The following SHISA9 variants were observed in gnomAD, a reference collection of about 807,000 sequenced individuals.
The protein encoded by SHISA9 is protein shisa-9.
A neutral mutation model predicts 38.0 loss-of-function variants in SHISA9; 13 were observed. The observed-to-expected ratio is 0.34, with a 90% CI of 0.22 to 0.54. The LOEUF is 0.54. Ranked by LOEUF, SHISA9 falls within the 20% of genes least tolerant of loss-of-function variation. The probability of loss-of-function intolerance (pLI) is 0.91; values close to 1 mark genes in which losing one functional copy is unlikely to be tolerated. For synonymous variants in SHISA9, 275 were observed against 242.0 expected (o/e 1.14, Z -1.27); for missense variants, 538 against 575.8 (o/e 0.93, Z 0.67).
the SHISA9 span, among the ~76,000 whole-genome samples, chr16:13,384,010 G>A: frequency 2.6e-5 from 4 of 152,100 alleles, no homozygotes; most frequent in Admixed American, 2.6e-4. Context: ...TTTACAGGGT[G>A]CAGGTGTTTG....
chr16:13,506,051 A>G, the SHISA9 span, among the ~76,000 whole-genome samples: 1 of 152,240 alleles, frequency 6.6e-6, no homozygotes, highest in African/African-American at 2.4e-5. Flanking sequence ...GGTAAGAAGA[A>G]TAGAGGAGAT....
chr16:13,549,634 C>T, the SHISA9 span, among the ~76,000 whole-genome samples: 2 of 152,004 alleles, frequency 1.3e-5, no homozygotes, highest in Non-Finnish European at 2.9e-5. Flanking sequence ...TAAAATTAAC[C>T]ATTATAGGTT....
intron 2 of SHISA9, among the ~76,000 whole-genome samples, chr16:13,145,044 C>T (rs946054593): frequency 2.0e-5 from 3 of 152,268 alleles, no homozygotes; most frequent in Non-Finnish European, 4.4e-5. Context: ...AATGTTTCTT[C>T]GACCCTATTG....
the SHISA9 span, among the ~76,000 whole-genome samples, chr16:13,282,531 C>G: frequency 1.3e-5 from 2 of 151,946 alleles, no homozygotes; most frequent in African/African-American, 2.4e-5. Context: ...ATATTTATCA[C>G]ACTTTTGTGA....
Position 12,901,755 on chromosome 16 carries a change from C to A in SHISA9, c.-310C>A. On this transcript the variant is annotated 5_prime_UTR_variant, in exon 1 of 5. Coordinates refer to ENST00000558583, the MANE Select transcript of SHISA9 (RefSeq NM_001145204.3). ...CTCTGCTCTCCACCCCCGCCTCACC[C>A]AGTGGCCGGCCGGACCTGCACCCCG... The A allele has an allele frequency of 6.7e-6, 1 of 149,200 alleles. No homozygotes were observed. Among genetic ancestry groups the A allele is most frequent in the Non-Finnish European group, 1.5e-5 (1 of 66,884 alleles). 9.2% of individuals were successfully genotyped at this position (149,200 alleles called of 1,614,324 possible).
chr16:13,086,012 A>G (rs948766007), intron 2 of SHISA9, among the ~76,000 whole-genome samples: 1 of 152,206 alleles, frequency 6.6e-6, no homozygotes, highest in African/African-American at 2.4e-5. Context: ...TTGTTTAAAG[A>G]AAAAAACAGG....
chr16:13,417,989 C>T, the SHISA9 span, among the ~76,000 whole-genome samples: 7 of 152,342 alleles, frequency 4.6e-5, no homozygotes, highest in Admixed American at 3.3e-4. Flanking sequence ...TGGTTGAAAC[C>T]ATGAGCCTAT....
the SHISA9 span, among the ~76,000 whole-genome samples, chr16:13,427,786 C>G: frequency 6.6e-6 from 1 of 152,152 alleles, no homozygotes; most frequent in Non-Finnish European, 1.5e-5. Context: ...GAGAGGCAAA[C>G]AGGGTATTAT....
intron 2 of SHISA9, among the ~76,000 whole-genome samples, chr16:13,006,873 C>T (rs1287003093): frequency 6.6e-6 from 1 of 152,136 alleles, no homozygotes; most frequent in African/African-American, 2.4e-5. Flanking sequence ...ACTTTCTGTG[C>T]TGTTTCTCTT....
At chr16:13,456,414 G>A in the SHISA9 span, among the ~76,000 whole-genome samples, 2 of 152,070 alleles carry the variant, frequency 1.3e-5, no homozygotes, top group African/African-American at 2.4e-5. Context: ...TTTTCCTTAC[G>A]ATACCTAGTA....
the SHISA9 span, among the ~76,000 whole-genome samples, chr16:13,413,611 G>A: frequency 6.6e-6 from 1 of 151,764 alleles, no homozygotes; most frequent in African/African-American, 2.4e-5. Flanking sequence ...CAAAAATTAG[G>A]CGGGCGTGGT....
At chr16:12,979,878 TCTTC>T (rs1302582854) in intron 2 of SHISA9, among the ~76,000 whole-genome samples, 2 of 152,228 alleles carry the variant, frequency 1.3e-5, no homozygotes. Context: ...CCCTTTTTTC[TCTTC>T]CTTCTTTACT....
intron 2 of SHISA9, among the ~76,000 whole-genome samples, chr16:13,032,680 CTTCT>C (rs912508005): frequency 2.0e-5 from 3 of 151,226 alleles, no homozygotes; most frequent in Admixed American, 6.6e-5. Flanking sequence ...TTCTCATCTA[CTTCT>C]TTCTATTACA....
At chr16:13,451,684 C>T in the SHISA9 span, among the ~76,000 whole-genome samples, 1 of 152,160 alleles carries the variant, frequency 6.6e-6, no homozygotes, top group Non-Finnish European at 1.5e-5. Context: ...TGGGAAAATG[C>T]TTTGCACATT....
At chr16:13,025,050 T>C (rs1037150863) in intron 2 of SHISA9, among the ~76,000 whole-genome samples, 3 of 152,202 alleles carry the variant, frequency 2.0e-5, no homozygotes, top group Non-Finnish European at 4.4e-5. Flanking sequence ...TAGAACAGCA[T>C]AACATCATTT....
the SHISA9 span, among the ~76,000 whole-genome samples, chr16:13,317,015 G>C: frequency 1.3e-5 from 2 of 152,192 alleles, no homozygotes; most frequent in Non-Finnish European, 2.9e-5. Flanking sequence ...TGAACTTCAG[G>C]CTTCACACAT....
chr16:12,905,980 G>C (rs1482024052), intron 1 of SHISA9, among the ~76,000 whole-genome samples: 1 of 152,236 alleles, frequency 6.6e-6, no homozygotes, highest in African/African-American at 2.4e-5. Context: ...CCTGCCAAAT[G>C]CATCCTGGGC....
the SHISA9 span, among the ~76,000 whole-genome samples, chr16:13,259,011 A>T: frequency 6.6e-6 from 1 of 152,190 alleles, no homozygotes; most frequent in East Asian, 1.9e-4. Context: ...TTAACCTAAA[A>T]GTCCACAGTC....
chr16:13,561,104 A>G, the SHISA9 span, among the ~76,000 whole-genome samples: 1 of 152,082 alleles, frequency 6.6e-6, no homozygotes, highest in African/African-American at 2.4e-5. Context: ...CCTCAGGTGA[A>G]CTGCCCGCTT....
Sources: gnomAD v4.1 joint callset for allele counts (sites outside exome capture counted in the v4.1 genomes callset) on GRCh38, gnomAD v4.1.1 for gene constraint, MANE v1.5 for transcripts, NCBI Gene and HGNC (gene_info 2026-07-23, HGNC 2026-07-21) for gene names.